Variants in SAMD4A observed in about 807,000 individuals in gnomAD.
SAMD4A encodes protein Smaug homolog 1.
A neutral mutation model predicts 81.3 loss-of-function variants in SAMD4A; 33 were observed. That is an observed-to-expected ratio of 0.41 (90% CI 0.31 to 0.54). The LOEUF (loss-of-function observed/expected upper bound fraction) is 0.54, where lower values mean the gene tolerates loss of function less well. SAMD4A is among the 20% of genes least tolerant of loss of function. SAMD4A has a pLI of 0.37. For synonymous variants in SAMD4A, 389 were observed against 382.1 expected (o/e 1.02, Z -0.21); for missense variants, 854 against 951.1 (o/e 0.90, Z 1.34).
intron 10 of SAMD4A, among the ~76,000 whole-genome samples, 179 bp downstream of exon 10, chr14:54,775,314 C>T (rs1407724996): frequency 1.3e-5 from 2 of 152,196 alleles, no homozygotes; most frequent in African/African-American, 4.8e-5. Context: ...GACAGAGCAA[C>T]CCCATAGCTG....
intron 11 of SAMD4A, among the ~76,000 whole-genome samples, chr14:54,784,010 G>A (rs918630442): frequency 2.6e-5 from 4 of 152,202 alleles, no homozygotes; most frequent in Non-Finnish European, 5.9e-5. Context: ...CAGGGGAAAG[G>A]GATAGTGTGG....
intron 3 of SAMD4A, among the ~76,000 whole-genome samples, chr14:54,728,299 A>G (rs1393713191): frequency 3.3e-5 from 5 of 152,232 alleles, no homozygotes; most frequent in Non-Finnish European, 7.3e-5. Context: ...TTACAAACAC[A>G]GTACCAATCT....
intron 2 of SAMD4A, among the ~76,000 whole-genome samples, chr14:54,587,337 T>C (rs980832284): frequency 6.6e-6 from 1 of 152,182 alleles, no homozygotes; most frequent in Non-Finnish European, 1.5e-5. Flanking sequence ...GATGAGTCTT[T>C]AGGGTTTTCT....
chr14:54,761,312 T>C (rs1220569318), intron 7 of SAMD4A, among the ~76,000 whole-genome samples: 1 of 152,226 alleles, frequency 6.6e-6, no homozygotes, highest in African/African-American at 2.4e-5. Flanking sequence ...CTCTCCATCA[T>C]GCACGTGGTT....
chr14:54,597,250 G>A (rs1050954085), intron 2 of SAMD4A, among the ~76,000 whole-genome samples: 2 of 151,708 alleles, frequency 1.3e-5, no homozygotes, highest in African/African-American at 4.8e-5. Flanking sequence ...CTATCTCTCT[G>A]TTGTGGTCTT....
At chr14:54,644,487 T>G (rs114141811) in intron 2 of SAMD4A, among the ~76,000 whole-genome samples, 1,558 of 152,272 alleles carry the variant, frequency 0.01, 26 homozygotes, top group African/African-American at 0.036. Context: ...AGTAGGTAGA[T>G]GTTTTTAATC....
intron 2 of SAMD4A, among the ~76,000 whole-genome samples, chr14:54,578,445 T>C (rs1323816731): frequency 7.2e-6 from 1 of 138,510 alleles, no homozygotes; most frequent in Non-Finnish European, 1.6e-5. Context: ...GCGCACTGGC[T>C]CATGCCTGTA....
rs748206711 is a variant in SAMD4A, at chr14:54,791,399, C to G, written c.*2455C>G. 7 of 152,142 alleles carry G rather than the reference C, an allele frequency of 4.6e-5. No homozygotes were observed. Among genetic ancestry groups the G allele is most frequent in the Non-Finnish European group, 7.4e-5 (5 of 68,016 alleles). The allele number at this position is 152,142 out of a possible 1,614,324, so 9.4% of individuals were successfully genotyped here. On this transcript the variant is annotated 3_prime_UTR_variant, in exon 13 of 13. Transcript: ENST00000554335. ...TGAACACAATCACATTCGCATGAAT[C>G]CTTTAAAAGGAAGAAGACCTTAAAG...
At chr14:54,712,178 C>T (rs1025617028) in intron 3 of SAMD4A, among the ~76,000 whole-genome samples, 1 of 152,044 alleles carries the variant, frequency 6.6e-6, no homozygotes, top group East Asian at 1.9e-4. Context: ...TGCAGGTCAT[C>T]CCCACCCAAA....
At chr14:54,596,351 G>A (rs1176046416) in intron 2 of SAMD4A, among the ~76,000 whole-genome samples, 4 of 152,272 alleles carry the variant, frequency 2.6e-5, no homozygotes, top group East Asian at 3.9e-4. Flanking sequence ...TTGAGAGGCC[G>A]AGGCAGGTGG....
intron 8 of SAMD4A, among the ~76,000 whole-genome samples, chr14:54,768,860 C>A (rs950474567): frequency 6.6e-6 from 1 of 152,216 alleles, no homozygotes; most frequent in African/African-American, 2.4e-5. Context: ...CCACAGAGTT[C>A]TCCTGGTATT....
intron 2 of SAMD4A, among the ~76,000 whole-genome samples, chr14:54,650,356 A>G (rs1272599461): frequency 6.6e-6 from 1 of 152,232 alleles, no homozygotes; most frequent in Non-Finnish European, 1.5e-5. Flanking sequence ...TTTATAGGAT[A>G]GGATCCCCAT....
chr14:54,654,856 G>T (rs569533555), intron 2 of SAMD4A, among the ~76,000 whole-genome samples: 1 of 152,340 alleles, frequency 6.6e-6, no homozygotes, highest in Admixed American at 6.5e-5. Flanking sequence ...CAGGAGCAGT[G>T]TGCATGAGGA....
In SAMD4A at chr14:54,636,244, G is replaced by C. The variant is rs539793438; in HGVS notation, c.197-65818G>C. On this transcript the variant is annotated intron_variant, in intron 2 of 12. Transcript: ENST00000554335. ...GAAGGTTGTTTCATGCACTGGGAAC[G>C]GCCATTACAAAAGCCCTTAGGTTGG... Among the ~76,000 whole-genome samples the C allele has an allele frequency of 3.3e-5, 5 of 152,230 alleles. No individual in the cohort carries two copies. The South Asian group carries it at 6.2e-4, about 19-fold the overall frequency.
intron 2 of SAMD4A, among the ~76,000 whole-genome samples, chr14:54,679,976 A>T (rs1247333619): frequency 1.3e-5 from 2 of 152,224 alleles, no homozygotes. Flanking sequence ...AAGCCAAATG[A>T]TCGTGGACAG....
intron 2 of SAMD4A, among the ~76,000 whole-genome samples, chr14:54,580,825 G>T (rs927101011): frequency 2.0e-5 from 3 of 152,178 alleles, no homozygotes; most frequent in African/African-American, 4.8e-5. Context: ...TAGCACATAG[G>T]TGATCTCAGA....
At chr14:54,685,640 T>C (rs1250828666) in intron 2 of SAMD4A, 3 of 452,092 alleles carry the variant, frequency 6.6e-6, no homozygotes, top group African/African-American at 4.0e-5. Flanking sequence ...TGGTTAGAAG[T>C]TGCAGAGAAG....
intron 2 of SAMD4A, among the ~76,000 whole-genome samples, chr14:54,623,736 G>A (rs1176666707): frequency 6.6e-6 from 1 of 152,114 alleles, no homozygotes; most frequent in Non-Finnish European, 1.5e-5. Flanking sequence ...CAACATGGGA[G>A]GTCCCAGTTA....
chr14:54,725,625 C>A (rs1311634123), intron 3 of SAMD4A, among the ~76,000 whole-genome samples: 2 of 152,216 alleles, frequency 1.3e-5, no homozygotes, highest in African/African-American at 4.8e-5. Flanking sequence ...GATGATTTTT[C>A]CATTAGCAGT....
Sources: allele counts gnomAD v4.1 joint callset (sites outside exome capture counted in the v4.1 genomes callset), GRCh38; gene constraint gnomAD v4.1.1; transcripts MANE v1.5; gene names NCBI Gene and HGNC (gene_info 2026-07-23, HGNC 2026-07-21).